The following AMN1 variants were observed in gnomAD, a reference collection of about 807,000 sequenced individuals.
AMN1 encodes the protein antagonist of mitotic exit network 1 homolog.
A neutral mutation model predicts 33.0 loss-of-function variants in AMN1; 20 were observed. The observed-to-expected ratio is 0.61, with a 90% CI of 0.43 to 0.88. AMN1 has a LOEUF of 0.88. Ranked by LOEUF, AMN1 falls within the 40% of genes least tolerant of loss-of-function variation. The pLI is 0.00. For synonymous variants in AMN1, 114 were observed against 111.9 expected (o/e 1.02, Z -0.12); for missense variants, 246 against 307.4 (o/e 0.80, Z 1.49).
At chr12:31,700,525 G>A (rs1239277161) in intron 3 of AMN1, among the ~76,000 whole-genome samples, 1 of 152,074 alleles carries the variant, frequency 6.6e-6, no homozygotes, top group East Asian at 1.9e-4. Context: ...ACTGATAGGA[G>A]AGTACCTAGT....
At chr12:31,702,899 G>A (rs1391416403) in intron 2 of AMN1, among the ~76,000 whole-genome samples, 1 of 152,116 alleles carries the variant, frequency 6.6e-6, no homozygotes. Flanking sequence ...ACCACGCCTG[G>A]CTAATTTTGT....
At chr12:31,711,781 G>C (rs1939475484) in intron 1 of AMN1, among the ~76,000 whole-genome samples, 1 of 151,922 alleles carries the variant, frequency 6.6e-6, no homozygotes, top group South Asian at 2.1e-4. Flanking sequence ...ATTAACTATA[G>C]TCACCCTACC....
At chr12:31,685,084 A>C (rs1230274497) in intron 6 of AMN1, among the ~76,000 whole-genome samples, 1 of 147,130 alleles carries the variant, frequency 6.8e-6, no homozygotes, top group Non-Finnish European at 1.5e-5. Flanking sequence ...GCTGGAGTGC[A>C]GTGCGGAGAT....
chr12:31,722,008 C>T (rs1939893214), intron 1 of AMN1, among the ~76,000 whole-genome samples: 1 of 152,110 alleles, frequency 6.6e-6, no homozygotes, highest in African/African-American at 2.4e-5. Flanking sequence ...TCTGACGCTA[C>T]CATTGCATGC....
chr12:31,716,076 C>G (rs1358954937), intron 1 of AMN1, among the ~76,000 whole-genome samples: 1 of 152,102 alleles, frequency 6.6e-6, no homozygotes, highest in African/African-American at 2.4e-5. Flanking sequence ...ACTTTAGAGA[C>G]TATTCTGTTT....
intron 1 of AMN1, among the ~76,000 whole-genome samples, chr12:31,721,222 G>C (rs919579398): frequency 6.6e-6 from 1 of 152,228 alleles, no homozygotes. Flanking sequence ...GGACCGTGGA[G>C]TAAAATGTAG....
chr12:31,679,190 C>G (rs958281641), intron 6 of AMN1, among the ~76,000 whole-genome samples: 1 of 151,988 alleles, frequency 6.6e-6, no homozygotes, highest in East Asian at 1.9e-4. Context: ...TGTTTTGGCT[C>G]TTTGTGGTAA....
At chr12:31,692,160 A>T (rs139687036) in intron 5 of AMN1, among the ~76,000 whole-genome samples, 1 of 151,162 alleles carries the variant, frequency 6.6e-6, no homozygotes, top group African/African-American at 2.4e-5. Flanking sequence ...TACAGGTGTG[A>T]GCCACTGCAC....
intron 6 of AMN1, among the ~76,000 whole-genome samples, chr12:31,676,017 T>C (rs1937680147): frequency 6.6e-6 from 1 of 151,898 alleles, no homozygotes; most frequent in South Asian, 2.1e-4. Context: ...ACAAGAACAA[T>C]ATATAAAAAT....
intron 1 of AMN1, among the ~76,000 whole-genome samples, chr12:31,719,512 T>A (rs1451493467): frequency 6.6e-6 from 1 of 152,330 alleles, no homozygotes; most frequent in East Asian, 1.9e-4. Flanking sequence ...TCACTGTAGA[T>A]CTAGTGATTG....
chr12:31,716,759 T>C (rs1354039707), intron 1 of AMN1, among the ~76,000 whole-genome samples: 1 of 152,202 alleles, frequency 6.6e-6, no homozygotes, highest in Admixed American at 6.5e-5. Flanking sequence ...GTTATATACG[T>C]TGCAAATATA....
chr12:31,697,717 T>A, intron 4 of AMN1, 23 bp downstream of exon 4: 18 of 1,595,504 alleles, frequency 1.1e-5, no homozygotes, highest in Non-Finnish European at 1.5e-5. Context: ...AGTCTATATG[T>A]TTGTAGCCTA....
At chr12:31,711,924 T>C (rs1190065320) in intron 1 of AMN1, among the ~76,000 whole-genome samples, 1 of 152,208 alleles carries the variant, frequency 6.6e-6, no homozygotes, top group Non-Finnish European at 1.5e-5. Flanking sequence ...ATCCACTTTT[T>C]TTTAGTTCCC....
At chr12:31,709,060 C>T (rs1939363070) in intron 2 of AMN1, 2 of 557,500 alleles carry the variant, frequency 3.6e-6, no homozygotes, top group Non-Finnish European at 3.3e-6. Context: ...CACCTATAGT[C>T]CCAACTACTC....
upstream of AMN1, chr12:31,729,102 G>C (rs1471849007): frequency 1.2e-5 from 16 of 1,373,696 alleles, no homozygotes; most frequent in Non-Finnish European, 2.0e-6. Context: ...GCGACGCGTA[G>C]GTTTTTGTGA....
intron 2 of AMN1, among the ~76,000 whole-genome samples, chr12:31,708,283 T>A (rs1939328091): frequency 6.6e-6 from 1 of 151,320 alleles, no homozygotes; most frequent in Non-Finnish European, 1.5e-5. Flanking sequence ...TGGGGGGAGG[T>A]CTATAAATGG....
chr12:31,707,270 A>C (rs1265074818), intron 2 of AMN1, among the ~76,000 whole-genome samples: 1 of 152,226 alleles, frequency 6.6e-6, no homozygotes, highest in Non-Finnish European at 1.5e-5. Context: ...CTACAGTCAC[A>C]ATGTAACGTA....
chr12:31,712,314 G>C lies in AMN1; in HGVS notation c.39-2889C>G, dbSNP rs139263906. 8.4e-3 allele frequency among the ~76,000 whole-genome samples: 1,270 copies of C among 152,070 alleles called. 17 individuals are homozygous for C. Among genetic ancestry groups the C allele is most frequent in the African/African-American group, 0.029 (1,199 of 41,484 alleles). Reference sequence around the variant, plus strand: ...CCAGGCTAGAGTGCAGTGGTGCAATGTCGGCTCACTGCAACCTCTGCCACC... The same window carrying C: ...CCAGGCTAGAGTGCAGTGGTGCAATCTCGGCTCACTGCAACCTCTGCCACC... On this transcript the variant is annotated intron_variant, in intron 1 of 6. Coordinates refer to ENST00000281471, the MANE Select transcript of AMN1 (RefSeq NM_001113402.2).
chr12:31,729,078 C>A, upstream of AMN1: 2 of 1,429,370 alleles, frequency 1.4e-6, no homozygotes, highest in Non-Finnish European at 1.9e-6. Flanking sequence ...CGTCCGCCAA[C>A]TCCCGCCCAC....
Sources: allele counts gnomAD v4.1 joint callset (sites outside exome capture counted in the v4.1 genomes callset), GRCh38; gene constraint gnomAD v4.1.1; transcripts MANE v1.5; gene names NCBI Gene and HGNC (gene_info 2026-07-23, HGNC 2026-07-21).